Variants in INTS13 observed in about 807,000 individuals in gnomAD.
The protein encoded by INTS13 is integrator complex subunit 13.
In INTS13, 35 loss-of-function variants were observed where a neutral mutation model predicts 90.2. That is an observed-to-expected ratio of 0.39 (90% CI 0.30 to 0.51). The LOEUF (loss-of-function observed/expected upper bound fraction) is 0.51, where lower values mean the gene tolerates loss of function less well. Among genes scored for constraint, INTS13 ranks in the 20% least tolerant of loss-of-function variants. The pLI is 0.80. For missense variants in INTS13, 601 were observed against 851.2 expected, an observed-to-expected ratio of 0.71 and a Z score of 3.66; for synonymous variants, 309 against 277.1, an observed-to-expected ratio of 1.11 and a Z score of -1.14.
intron 8 of INTS13, among the ~76,000 whole-genome samples, chr12:26,918,863 G>A (rs547528055): frequency 6.6e-6 from 1 of 152,294 alleles, no homozygotes; most frequent in East Asian, 1.9e-4. Context: ...ATAAGGGTAT[G>A]AGTAGAAATT....
At chr12:26,938,122 G>C (rs1308401725), upstream of INTS13, 2 of 152,414 alleles carry the variant, frequency 1.3e-5, no homozygotes, top group African/African-American at 4.9e-5. Flanking sequence ...GCGGGGCCAA[G>C]GAGGAAAAAA....
intron 3 of INTS13, among the ~76,000 whole-genome samples, chr12:26,932,384 G>A (rs111237002): frequency 6.6e-6 from 1 of 152,136 alleles, no homozygotes; most frequent in African/African-American, 2.4e-5. Context: ...TACTAAAAAC[G>A]TCAATAGCTT....
In INTS13 at chr12:26,913,027, A is replaced by C. The variant is rs556720851; in HGVS notation, c.1805+430T>G. ...ATTACAGGTGTGAACCACTGCACCC[A>C]GCCTGCAATCACTAATTTGTCTGTC... On this transcript the variant is annotated intron_variant, in intron 14 of 16. Coordinates refer to ENST00000261191, the MANE Select transcript of INTS13 (RefSeq NM_018164.3). 2.0e-5 allele frequency among the ~76,000 whole-genome samples: 3 copies of C among 152,186 alleles called. No individual in the cohort carries two copies. In the South Asian group the frequency reaches 6.2e-4, roughly 32 times the overall value.
At chr12:26,929,135 C>A (rs1451936914) in intron 3 of INTS13, 2 of 465,058 alleles carry the variant, frequency 4.3e-6, no homozygotes, top group Non-Finnish European at 7.7e-6. Flanking sequence ...TCAATTATTA[C>A]AATACATCAT....
intron 13 of INTS13, 127 bp downstream of exon 13, chr12:26,913,847 T>C: frequency 8.8e-7 from 1 of 1,140,748 alleles, no homozygotes; most frequent in Non-Finnish European, 1.2e-6. Flanking sequence ...GATTTTGTAT[T>C]ATTTCATCTC....
intron 10 of INTS13, among the ~76,000 whole-genome samples, 175 bp downstream of exon 10, chr12:26,917,177 C>G (rs1444388328): frequency 6.6e-6 from 1 of 151,940 alleles, no homozygotes; most frequent in Admixed American, 6.6e-5. Flanking sequence ...AAGGGTATTT[C>G]AAATTACATA....
Position 26,917,699 on chromosome 12 carries a change from G to C in INTS13, c.924C>G (p.Gly308=). ...TTAATGTTATTGTTTCTTTAAACGA[G>C]CCTTCTCGACTGCCGCCACCTAGAT... ...DSHLGGGSRE[G]SFKETITLKW... is the part of the protein sequence containing the mutation. Residue 308 remains glycine (G), a synonymous_variant, in exon 9 of 17, where the codon GGC becomes GGG. Coordinates refer to ENST00000261191, the MANE Select transcript of INTS13 (RefSeq NM_018164.3). The C allele has an allele frequency of 6.2e-7, 1 of 1,613,894 alleles. No individual in the cohort carries two copies. The highest frequency in any genetic ancestry group is 8.5e-7 in the Non-Finnish European group (1 of 1,179,966).
chr12:26,911,167 C>T lies in INTS13; in HGVS notation c.1945+11G>A. On this transcript the variant is annotated intron_variant, in intron 15 of 16. Coordinates refer to ENST00000261191, the MANE Select transcript of INTS13 (RefSeq NM_018164.3). ...CTTTTTATAAACCTAGTTACCACAG[C>T]TGTACCTTACCTTTTGATTTTTCCA... 6.2e-7 allele frequency: 1 copy of T among 1,610,304 alleles called. No individual in the cohort carries two copies. The highest frequency in any genetic ancestry group is 1.7e-4 in the Middle Eastern group (1 of 6,038).
intron 9 of INTS13, 57 bp downstream of exon 9, chr12:26,917,587 T>A (rs1191826599): frequency 1.4e-6 from 2 of 1,478,692 alleles, no homozygotes; most frequent in Non-Finnish European, 1.9e-6. Context: ...TTGACCCCCA[T>A]ATAATACCTT....
Position 26,934,629 on chromosome 12 carries a change from A to G in INTS13, c.227T>C (p.Val76Ala), listed in dbSNP as rs1468786072. ...MYDIFPFKKL[V>A]NFIVSDSGAH... Reference sequence around the variant, plus strand: ...TCCAGAGTCACTCACAATAAAATTCACCTAATAGATTCCAAAGAAACAATT... The same window carrying G: ...TCCAGAGTCACTCACAATAAAATTCGCCTAATAGATTCCAAAGAAACAATT... The change falls in exon 3 of 17, where the codon GTG (valine) becomes GCG (alanine). Residue 76 changes from valine (V) to alanine (A), a missense_variant and splice_region_variant. Physicochemically the swap from Val to Ala is moderately conservative, Grantham distance 64. Coordinates refer to ENST00000261191, the MANE Select transcript of INTS13 (RefSeq NM_018164.3). 9 of 1,610,416 alleles carry G rather than the reference A, an allele frequency of 5.6e-6. No homozygotes were observed. Among genetic ancestry groups the G allele is most frequent in the Non-Finnish European group, 7.6e-6 (9 of 1,177,348 alleles).
At chr12:26,936,490 T>G in intron 2 of INTS13, 89 bp downstream of exon 2, 1 of 946,764 alleles carries the variant, frequency 1.1e-6, no homozygotes, top group South Asian at 1.6e-5. Context: ...AAACACACAG[T>G]CATTATCTAT....
intron 2 of INTS13, among the ~76,000 whole-genome samples, chr12:26,935,547 G>A (rs990691786): frequency 3.9e-5 from 6 of 152,216 alleles, no homozygotes; most frequent in Admixed American, 1.3e-4. Flanking sequence ...CATCGAGGAA[G>A]TAAGTGTTAT....
rs149004981 is a variant in INTS13, at chr12:26,931,164, C to T, written c.301-2259G>A. On this transcript the variant is annotated intron_variant, in intron 3 of 16. Coordinates refer to ENST00000261191, the MANE Select transcript of INTS13 (RefSeq NM_018164.3). ...TAAAAAAAAAAACAGAAAAAGAAGC[C>T]GGGCACGGTGGCTCATGCCTGTAAT... Among the ~76,000 whole-genome samples, 107 of 151,662 alleles carry T rather than the reference C, an allele frequency of 7.1e-4. 3 individuals are homozygous for T. In the East Asian group the frequency reaches 0.018, roughly 26 times the overall value.
In INTS13 at chr12:26,914,751, T is replaced by C. The variant is rs560489404; in HGVS notation, c.1249-173A>G. ...TTTTATCCTTTCTGAACTTGAAACC[T>C]ATCAGCCTTTATATGATGAAAATGA... On this transcript the variant is annotated intron_variant, in intron 11 of 16. Transcript: ENST00000261191. Among the ~76,000 whole-genome samples, 4 of 152,326 alleles carry C rather than the reference T, an allele frequency of 2.6e-5. No individual in the cohort carries two copies. The East Asian group carries it at 7.7e-4, about 29-fold the overall frequency.
At chr12:26,925,965 A>T (rs1937851864) in intron 5 of INTS13, 114 bp from the exon 6 acceptor site, 6 of 700,980 alleles carry the variant, frequency 8.6e-6, no homozygotes. Context: ...ACAATTAGAT[A>T]TTACTGTTAA....
intron 15 of INTS13, among the ~76,000 whole-genome samples, chr12:26,909,446 C>T (rs1012462734): frequency 2.0e-5 from 3 of 149,292 alleles, no homozygotes; most frequent in Non-Finnish European, 3.0e-5. Context: ...TAGGTGCTTG[C>T]AATTTTTGCC....
intron 8 of INTS13, among the ~76,000 whole-genome samples, chr12:26,920,768 A>G (rs1565826731): frequency 6.6e-6 from 1 of 152,198 alleles, no homozygotes. Context: ...TCCATGTAAT[A>G]TATTTTCAAA....
chr12:26,935,384 C>CTAA (rs1383923980), intron 2 of INTS13, among the ~76,000 whole-genome samples: 1 of 152,202 alleles, frequency 6.6e-6, no homozygotes, highest in African/African-American at 2.4e-5. Context: ...ACAACACGAT[C>CTAA]TAATCTATGA....
In INTS13 at chr12:26,914,516, G is replaced by A. The variant is rs759391482; in HGVS notation, c.1311C>T (p.Ile437=). 21 of 1,613,550 alleles carry A rather than the reference G, an allele frequency of 1.3e-5. No individual in the cohort carries two copies. The East Asian group carries it at 2.2e-4, about 17-fold the overall frequency. ...CCAAAGGGACCTCAAGACTTCCATC[G>A]ATTTTATATCTGGGGTCTAGAAAAG... ...LTPFLDPRYK[I]DGSLEVPLER... The change falls in exon 12 of 17, where the codon ATC becomes ATT. Residue 437 remains isoleucine, a synonymous_variant. Transcript: ENST00000261191.
Sources: allele counts gnomAD v4.1 joint callset (sites outside exome capture counted in the v4.1 genomes callset), GRCh38; gene constraint gnomAD v4.1.1; transcripts MANE v1.5; gene names NCBI Gene and HGNC (gene_info 2026-07-23, HGNC 2026-07-21).